OGDH: variants seen among roughly 807,000 people sequenced by gnomAD.
The protein encoded by OGDH is oxoglutarate dehydrogenase, also known as 2-oxoglutarate dehydrogenase complex component E1.
Under a neutral mutation model 116.6 loss-of-function variants are expected in OGDH, and 38 were observed. That is an observed-to-expected ratio of 0.33 (90% CI 0.25 to 0.43). The LOEUF (loss-of-function observed/expected upper bound fraction) is 0.43. OGDH is among the 20% of genes least tolerant of loss of function. The probability of loss-of-function intolerance (pLI) is 1.00; values close to 1 mark genes in which losing one functional copy is unlikely to be tolerated. For synonymous variants in OGDH, 488 were observed against 533.3 expected (o/e 0.92, Z 1.17); for missense variants, 825 against 1,357.2 (o/e 0.61, Z 6.16).
At chr7:44,683,582 C>T (rs924706941) in intron 10 of OGDH, among the ~76,000 whole-genome samples, 2 of 152,088 alleles carry the variant, frequency 1.3e-5, no homozygotes, top group East Asian at 1.9e-4. Flanking sequence ...TGCATGGGGA[C>T]GTTCTCTTTC....
intron 1 of OGDH, among the ~76,000 whole-genome samples, chr7:44,609,232 G>A (rs542344261): frequency 2.0e-5 from 3 of 151,610 alleles, no homozygotes; most frequent in Non-Finnish European, 2.9e-5. Flanking sequence ...TTGGCCAGGC[G>A]CAGTGGCTTA....
intron 10 of OGDH, among the ~76,000 whole-genome samples, chr7:44,689,015 G>T (rs1012128752): frequency 4.6e-5 from 7 of 152,030 alleles, no homozygotes; most frequent in African/African-American, 1.4e-4. Context: ...CTCCCAAGGT[G>T]CTCTTATTAC....
At chr7:44,614,294 G>GT (rs993596635) in intron 1 of OGDH, among the ~76,000 whole-genome samples, 7 of 139,534 alleles carry the variant, frequency 5.0e-5, no homozygotes, top group Non-Finnish European at 9.4e-5. Flanking sequence ...CAAGGTTTTG[G>GT]TTTTTTTTGT....
At chr7:44,653,128 C>T (rs777244916) in intron 4 of OGDH, among the ~76,000 whole-genome samples, 5 of 151,956 alleles carry the variant, frequency 3.3e-5, no homozygotes, top group Non-Finnish European at 7.4e-5. Context: ...GAGTCTTACT[C>T]TGTCGCCCAG....
chr7:44,666,986 C>T, intron 5 of OGDH, 135 bp downstream of exon 5: 2 of 593,700 alleles, frequency 3.4e-6, no homozygotes, highest in Non-Finnish European at 5.7e-6. Context: ...GAGTTACTGT[C>T]ACCCAGGCTA....
At chr7:44,698,126 A>G (rs1490654685) in intron 17 of OGDH, 66 bp from the exon 18 acceptor site, 14 of 1,549,382 alleles carry the variant, frequency 9.0e-6, no homozygotes, top group Non-Finnish European at 8.9e-7. Context: ...TTGAGGAGGA[A>G]CAGCAGATGC....
In OGDH at chr7:44,697,053, G is replaced by T. The variant is rs1410216636; in HGVS notation, c.2040G>T (p.Arg680=). ...GGCTGAGCGGCCAGGACGTGGAGCG[G>T]GGCACATTCAGGTAACGTTCTGGGC... ...HIRLSGQDVE[R]GTFSHRHHVL... Residue 680 remains arginine, a synonymous_variant, in exon 15 of 23, where the codon CGG becomes CGT. Transcript: ENST00000222673. The surrounding 1 kb of genome is among the most constrained non-coding windows in gnomAD (Gnocchi z 6.0). 8 of 1,613,792 alleles carry T rather than the reference G, an allele frequency of 5.0e-6. No homozygotes were observed. Among genetic ancestry groups the T allele is most frequent in the Non-Finnish European group, 6.8e-6 (8 of 1,179,688 alleles).
At chr7:44,663,006 A>C (rs995375736) in intron 4 of OGDH, among the ~76,000 whole-genome samples, 1 of 152,154 alleles carries the variant, frequency 6.6e-6, no homozygotes, top group African/African-American at 2.4e-5. Flanking sequence ...TTTTTAGCTA[A>C]GTACCTTTTC....
intron 10 of OGDH, among the ~76,000 whole-genome samples, chr7:44,693,623 T>A (rs1362096935): frequency 6.6e-6 from 1 of 152,214 alleles, no homozygotes; most frequent in Non-Finnish European, 1.5e-5. Context: ...GTCTTTTAAA[T>A]TCTCTATGTT....
intron 20 of OGDH, among the ~76,000 whole-genome samples, chr7:44,706,617 G>A (rs1468493335): frequency 9.0e-5 from 12 of 132,804 alleles, no homozygotes; most frequent in Non-Finnish European, 1.7e-4. Context: ...CCATGCGCCC[G>A]GCTGGTATTT....
rs150911985 is a variant in OGDH at position 44,660,525 on chromosome 7, T to A, written c.518-6211T>A. On this transcript the variant is annotated intron_variant, in intron 4 of 22. Transcript: ENST00000222673. ...TATGATTTGAATTGTGCTAAATTTG[T>A]TGGGTTTTTAAAAAATGGCCCACCA... 5.7e-3 allele frequency among the ~76,000 whole-genome samples: 874 copies of A among 152,282 alleles called. 10 individuals carry two copies. The highest frequency in any genetic ancestry group is 0.019 in the African/African-American group (796 of 41,558).
At chr7:44,664,669 A>G (rs1787099636) in intron 4 of OGDH, among the ~76,000 whole-genome samples, 1 of 152,088 alleles carries the variant, frequency 6.6e-6, no homozygotes, top group African/African-American at 2.4e-5. Context: ...TCCACCTTTC[A>G]GAGTTGTCTT....
intron 7 of OGDH, among the ~76,000 whole-genome samples, 167 bp from the exon 8 acceptor site, chr7:44,675,011 G>C (rs767155881): frequency 3.4e-4 from 52 of 152,074 alleles, no homozygotes; most frequent in Middle Eastern, 3.4e-3. Context: ...CCAGCACGGA[G>C]AGGCTCGGTT....
Position 44,696,112 on chromosome 7 carries a change from G to C in OGDH, c.1756G>C (p.Asp586His). The change falls in exon 13 of 23, where the codon GAC (aspartate) becomes CAC (histidine). Residue 586 changes from aspartate (D) to histidine (H), a missense_variant. Asp to His is a moderately conservative substitution (Grantham distance 81, BLOSUM62 -1). Around this residue, in one of 7 missense-constraint regions of OGDH, gnomAD observed 92 missense variants for 129.7 expected, o/e 0.71. Coordinates refer to ENST00000222673, the MANE Select transcript of OGDH (RefSeq NM_002541.4). Reference protein sequence around the residue: ...EKILHIKHWLDSPWPGFFTLD... With the variant: ...EKILHIKHWLHSPWPGFFTLD... ...GATCTTGCACATTAAGCACTGGCTG[G>C]ACTCTCCCTGGCCTGGTGAGTGAAG... 6.2e-7 allele frequency: 1 copy of C among 1,607,586 alleles called. No individual in the cohort carries two copies. Among genetic ancestry groups the C allele is most frequent in the Non-Finnish European group, 8.5e-7 (1 of 1,174,064 alleles).
At chr7:44,702,071 C>CA (rs79579664) in intron 20 of OGDH, among the ~76,000 whole-genome samples, 3,484 of 57,382 alleles carry the variant, frequency 0.061, 114 homozygotes, top group African/African-American at 0.16. Flanking sequence ...AACTCCGGCA[C>CA]AAAAAAAAAA....
rs762334177 is a variant in OGDH at position 44,707,924 on chromosome 7, G to A, written c.2997G>A (p.Lys999=). 13 of 1,613,750 alleles carry A rather than the reference G, an allele frequency of 8.1e-6. No homozygotes were observed. The highest frequency in any genetic ancestry group is 1.6e-4 in the Middle Eastern group (1 of 6,084). The change falls in exon 23 of 23, where the codon AAG becomes AAA. Residue 999 remains lysine (K), a synonymous_variant. Transcript: ENST00000222673. The surrounding 1 kb of genome is among the most constrained non-coding windows in gnomAD (Gnocchi z 5.2). ...DPAAAPATGN[K]KTHLTELQRL... is the part of the protein sequence containing the mutation. ...CGGCTGCTCCAGCCACCGGCAACAAGAAGACCCACCTGACGGAGCTGCAGC... is the reference window on the plus strand; with the variant it reads ...CGGCTGCTCCAGCCACCGGCAACAAAAAGACCCACCTGACGGAGCTGCAGC...
At chr7:44,620,542 G>A (rs764010531) in intron 1 of OGDH, among the ~76,000 whole-genome samples, 2 of 152,134 alleles carry the variant, frequency 1.3e-5, no homozygotes, top group African/African-American at 2.4e-5. Context: ...TTCCTCTTTA[G>A]ACGTGGAACT....
intron 10 of OGDH, among the ~76,000 whole-genome samples, chr7:44,689,089 G>C (rs12674292): frequency 0.072 from 10,976 of 151,910 alleles, 418 homozygotes; most frequent in Middle Eastern, 0.1. Context: ...GGGTATATAC[G>C]TAGGAGTAGA....
intron 4 of OGDH, among the ~76,000 whole-genome samples, chr7:44,659,577 G>C (rs1299977744): frequency 6.6e-6 from 1 of 152,076 alleles, no homozygotes; most frequent in Admixed American, 6.6e-5. Context: ...TAGCCATAGG[G>C]CTTTTCTAAT....
Sources: gnomAD v4.1 joint callset for allele counts (sites outside exome capture counted in the v4.1 genomes callset) on GRCh38, gnomAD v4.1.1 for gene constraint, gnomAD v4.1.1 regional missense constraint, Gnocchi (gnomAD v3.1) non-coding constraint, MANE v1.5 for transcripts, NCBI Gene and HGNC (gene_info 2026-07-23, HGNC 2026-07-21) for gene names.